The following LINC02747 variants were observed in gnomAD, a reference collection of about 807,000 sequenced individuals.
The protein encoded by LINC02747 is long independently transcribed non-coding RNA 2747.
intron 1 of LINC02747, among the ~76,000 whole-genome samples, chr11:69,480,156 C>G (rs953389729): frequency 2.0e-5 from 3 of 152,176 alleles, no homozygotes; most frequent in South Asian, 2.1e-4. Flanking sequence ...GACAAAGAGG[C>G]GTTCCCTGGC....
At chr11:69,481,110 A>AAG (rs1857044268) in intron 1 of LINC02747, among the ~76,000 whole-genome samples, 1 of 152,248 alleles carries the variant, frequency 6.6e-6, no homozygotes, top group South Asian at 2.1e-4. Context: ...GCCCAGGACC[A>AAG]GCTTCCCTCC....
exon 2 of LINC02747, chr11:69,475,890 C>T (rs1454742976): frequency 4.6e-5 from 7 of 152,212 alleles, no homozygotes; most frequent in African/African-American, 1.7e-4. Flanking sequence ...GGAGGACGCA[C>T]ACATTTGGTC....
chr11:69,481,124 C>T (rs1043764495), intron 1 of LINC02747, among the ~76,000 whole-genome samples: 12 of 152,238 alleles, frequency 7.9e-5, no homozygotes, highest in Non-Finnish European at 1.3e-4. Context: ...TCCCTCCTTC[C>T]GTCAGAGCAG....
At chr11:69,478,054 T>A (rs558299755) in intron 1 of LINC02747, among the ~76,000 whole-genome samples, 4 of 152,244 alleles carry the variant, frequency 2.6e-5, no homozygotes, top group African/African-American at 9.6e-5. Flanking sequence ...TGGGTGCAAG[T>A]TCTTTCTCCG....
chr11:69,481,256 T>C (rs1221129178), intron 1 of LINC02747, among the ~76,000 whole-genome samples: 2 of 152,144 alleles, frequency 1.3e-5, no homozygotes, highest in African/African-American at 2.4e-5. Context: ...ACCATTAGAA[T>C]GGGGCTTGTG....
chr11:69,478,024 A>G (rs1218731079), intron 1 of LINC02747, among the ~76,000 whole-genome samples: 3 of 152,162 alleles, frequency 2.0e-5, no homozygotes, highest in Non-Finnish European at 4.4e-5. Context: ...GCTTCGTGCC[A>G]GGCACTGCCC....
At chr11:69,479,254 C>CAAAAA (rs34812492) in intron 1 of LINC02747, among the ~76,000 whole-genome samples, 2 of 47,542 alleles carry the variant, frequency 4.2e-5, no homozygotes, top group African/African-American at 7.5e-5. Context: ...GACTCTGTCT[C>CAAAAA]AAAAAAAAAA....
chr11:69,480,523 A>G (rs1318947247), intron 1 of LINC02747, among the ~76,000 whole-genome samples: 1 of 152,198 alleles, frequency 6.6e-6, no homozygotes, highest in Non-Finnish European at 1.5e-5. Flanking sequence ...GTCTTGGGAA[A>G]TTGAGAAGTC....
At chr11:69,479,480 C>T (rs1483830325) in intron 1 of LINC02747, among the ~76,000 whole-genome samples, 1 of 152,110 alleles carries the variant, frequency 6.6e-6, no homozygotes, top group Non-Finnish European at 1.5e-5. Context: ...TTCTCATGAG[C>T]AGAAAAACGC....
intron 1 of LINC02747, among the ~76,000 whole-genome samples, chr11:69,480,890 C>T (rs546900609): frequency 7.2e-5 from 11 of 152,292 alleles, no homozygotes; most frequent in African/African-American, 2.6e-4. Context: ...TCTTCGATTC[C>T]CAAGGTTCCC....
chr11:69,478,620 G>A (rs1367019155), intron 1 of LINC02747, among the ~76,000 whole-genome samples: 1 of 150,610 alleles, frequency 6.6e-6, no homozygotes, highest in Non-Finnish European at 1.5e-5. Flanking sequence ...AGGTGGGGAG[G>A]ATCACCCTGG....
exon 2 of LINC02747, chr11:69,476,754 A>G (rs1357996484): frequency 6.6e-6 from 1 of 152,240 alleles, no homozygotes; most frequent in Non-Finnish European, 1.5e-5. Flanking sequence ...CTGTGCACCG[A>G]GGACAAAGGG....
At chr11:69,481,217 G>A (rs560822999) in intron 1 of LINC02747, among the ~76,000 whole-genome samples, 9 of 152,192 alleles carry the variant, frequency 5.9e-5, no homozygotes, top group Non-Finnish European at 7.3e-5. Flanking sequence ...CCGATCTAGC[G>A]GTCCACACAT....
At chr11:69,478,067 G>T (rs1857012589) in intron 1 of LINC02747, among the ~76,000 whole-genome samples, 1 of 152,132 alleles carries the variant, frequency 6.6e-6, no homozygotes, top group African/African-American at 2.4e-5. Flanking sequence ...TTTCTCCGTG[G>T]GTCCGAGAGG....
At chr11:69,480,742 C>A (rs60493505) in intron 1 of LINC02747, among the ~76,000 whole-genome samples, 1 of 152,174 alleles carries the variant, frequency 6.6e-6, no homozygotes, top group Admixed American at 6.5e-5. Context: ...CGGCACTGGG[C>A]GGGATCAGTA....
chr11:69,475,829 C>G (rs1255889539), exon 2 of LINC02747: 2 of 152,222 alleles, frequency 1.3e-5, no homozygotes, highest in Non-Finnish European at 2.9e-5. Flanking sequence ...CACAGGTCCC[C>G]TCTCCTAATG....
intron 1 of LINC02747, chr11:69,479,806 G>T (rs1230305871): frequency 2.6e-5 from 4 of 152,376 alleles, no homozygotes; most frequent in East Asian, 3.8e-4. Flanking sequence ...CTAGCCTGGG[G>T]GGCCTGCTCA....
At chr11:69,481,236 A>C (rs1325871212) in intron 1 of LINC02747, among the ~76,000 whole-genome samples, 1 of 152,192 alleles carries the variant, frequency 6.6e-6, no homozygotes, top group Non-Finnish European at 1.5e-5. Context: ...ATCAGAGTCC[A>C]TACTCTGCCA....
chr11:69,477,573 G>A (rs1010559043), exon 2 of LINC02747: 15 of 152,180 alleles, frequency 9.9e-5, no homozygotes, highest in South Asian at 2.1e-4. Context: ...AGAAGGCTCC[G>A]GGAGCCAAGA....
Sources: allele counts gnomAD v4.1 joint callset (sites outside exome capture counted in the v4.1 genomes callset), GRCh38; gene constraint gnomAD v4.1.1; transcripts MANE v1.5; gene names NCBI Gene and HGNC (gene_info 2026-07-23, HGNC 2026-07-21).